AGTR1: variants seen among roughly 807,000 people sequenced by gnomAD.
AGTR1 encodes the protein type-1 angiotensin II receptor.
Under a neutral mutation model 19.4 loss-of-function variants are expected in AGTR1, and 16 were observed. That is an observed-to-expected ratio of 0.82 (90% CI 0.56 to 1.25). AGTR1 has a LOEUF of 1.25. Ranked by LOEUF, AGTR1 falls within the 50% of genes most tolerant of loss-of-function variation. The pLI is 0.00. For synonymous variants in AGTR1, 153 were observed against 154.9 expected (o/e 0.99, Z 0.09); for missense variants, 373 against 431.9 (o/e 0.86, Z 1.21).
At chr3:148,726,339 G>A (rs747894677) in intron 2 of AGTR1, among the ~76,000 whole-genome samples, 1 of 152,080 alleles carries the variant, frequency 6.6e-6, no homozygotes, top group Non-Finnish European at 1.5e-5. Context: ...CTCCCGAGTA[G>A]ATGGGATTAC....
chr3:148,724,054 A>AT (rs1713792697), intron 2 of AGTR1, among the ~76,000 whole-genome samples: 1 of 151,514 alleles, frequency 6.6e-6, no homozygotes, highest in Admixed American at 6.6e-5. Context: ...TGGGTTTTAA[A>AT]ATATATATAT....
intron 2 of AGTR1, chr3:148,731,220 G>T (rs1384208535): frequency 2.0e-5 from 3 of 151,970 alleles, no homozygotes; most frequent in Admixed American, 2.0e-4. Flanking sequence ...AAAATAGAGG[G>T]GTGTATTAGT....
intron 2 of AGTR1, among the ~76,000 whole-genome samples, chr3:148,721,319 G>A (rs1359431249): frequency 1.3e-5 from 2 of 152,148 alleles, no homozygotes; most frequent in Non-Finnish European, 2.9e-5. Flanking sequence ...AATCATTGCA[G>A]TATTATCCCC....
intron 2 of AGTR1, among the ~76,000 whole-genome samples, chr3:148,708,699 C>G (rs1013717840): frequency 6.6e-6 from 1 of 152,180 alleles, no homozygotes; most frequent in Non-Finnish European, 1.5e-5. Flanking sequence ...GTCTATCTAA[C>G]TCTTCTTACA....
intron 2 of AGTR1, among the ~76,000 whole-genome samples, chr3:148,722,279 A>T (rs1020193223): frequency 6.6e-6 from 1 of 152,238 alleles, no homozygotes; most frequent in Admixed American, 6.5e-5. Context: ...TGACTATTTC[A>T]TATGTTCAAA....
At chr3:148,740,011 T>C (rs1161106281) in intron 2 of AGTR1, 3 of 1,210,658 alleles carry the variant, frequency 2.5e-6, no homozygotes, top group African/African-American at 1.6e-5. Context: ...CCTGATGGAC[T>C]GTTATCCAGG....
chr3:148,700,704 C>A (rs544886443), intron 1 of AGTR1, among the ~76,000 whole-genome samples: 1 of 152,152 alleles, frequency 6.6e-6, no homozygotes, highest in African/African-American at 2.4e-5. Flanking sequence ...TGTCAATAAA[C>A]AAATATGGAG....
Position 148,712,965 on chromosome 3 carries a change from C to T in AGTR1, c.-48+4938C>T, listed in dbSNP as rs556307807. 2.5e-4 allele frequency among the ~76,000 whole-genome samples: 38 copies of T among 152,082 alleles called. 2 individuals carry two copies. The South Asian group carries it at 7.5e-3, about 30-fold the overall frequency. ...GGCAACTGAGGTAGTAGGAGGCGCC[C>T]CCTGGACTTCTGCTGGAATTTAGAT... On this transcript the variant is annotated intron_variant, in intron 2 of 2. Transcript: ENST00000349243.
intron 2 of AGTR1, among the ~76,000 whole-genome samples, chr3:148,711,123 A>G (rs943784556): frequency 1.3e-5 from 2 of 152,156 alleles, no homozygotes; most frequent in Non-Finnish European, 2.9e-5. Context: ...ACAGTCACGG[A>G]TAACAGTAGT....
intron 1 of AGTR1, among the ~76,000 whole-genome samples, chr3:148,699,843 C>T (rs775777137): frequency 1.3e-5 from 2 of 152,144 alleles, no homozygotes; most frequent in African/African-American, 4.8e-5. Context: ...TCTTTGTTCC[C>T]ATCCTGAGGC....
At chr3:148,737,964 TG>T (rs1714662346) in intron 2 of AGTR1, among the ~76,000 whole-genome samples, 1 of 152,156 alleles carries the variant, frequency 6.6e-6, no homozygotes, top group South Asian at 2.1e-4. Context: ...AAAAAAAGGC[TG>T]ATAGCTTGTG....
intron 2 of AGTR1, among the ~76,000 whole-genome samples, chr3:148,733,772 G>A (rs377481542): frequency 6.6e-6 from 1 of 152,190 alleles, no homozygotes; most frequent in African/African-American, 2.4e-5. Flanking sequence ...GAAGAATTTA[G>A]AAGTGTAAGA....
chr3:148,712,504 CA>C (rs1232998429), intron 2 of AGTR1, among the ~76,000 whole-genome samples: 2 of 152,138 alleles, frequency 1.3e-5, no homozygotes, highest in Admixed American at 6.6e-5. Flanking sequence ...TGAAACCAGT[CA>C]GGGGGTAAGA....
At chr3:148,723,994 C>T (rs1713790149) in intron 2 of AGTR1, among the ~76,000 whole-genome samples, 1 of 152,060 alleles carries the variant, frequency 6.6e-6, no homozygotes, top group Non-Finnish European at 1.5e-5. Context: ...AAATTGGCAG[C>T]CTTTTTAACT....
Position 148,740,985 on chromosome 3 carries a change from C to T in AGTR1, c.-47-4C>T, listed in dbSNP as rs767892603. On this transcript the variant is annotated splice_region_variant and splice_polypyrimidine_tract_variant and intron_variant, in intron 2 of 2. Transcript: ENST00000349243. ...CTTTACCATTTTATTTTTATTTTCC[C>T]CAGGTGTATTTGATATAGTGTTTGC... 1.2e-6 allele frequency: 2 copies of T among 1,605,394 alleles called. No individual in the cohort carries two copies. The highest frequency in any genetic ancestry group is 2.2e-5 in the South Asian group (2 of 89,172).
At chr3:148,701,430 G>A (rs2107923221) in intron 1 of AGTR1, among the ~76,000 whole-genome samples, 1 of 152,230 alleles carries the variant, frequency 6.6e-6, no homozygotes, top group South Asian at 2.1e-4. Context: ...AATCAAAATT[G>A]TCTTCCAAAA....
In AGTR1 at chr3:148,741,414, T is replaced by C. The variant is rs1450133165; in HGVS notation, c.379T>C (p.Tyr127His). 2 of 1,605,130 alleles carry C rather than the reference T, an allele frequency of 1.2e-6. No homozygotes were observed. Among genetic ancestry groups the C allele is most frequent in the Non-Finnish European group, 1.7e-6 (2 of 1,179,000 alleles). ...ACTCACGTGTCTCAGCATTGATCGA[T>C]ACCTGGCTATTGTTCACCCAATGAA... ...FLLTCLSIDR[Y>H]LAIVHPMKSR... is the part of the protein sequence containing the mutation. The change falls in exon 3 of 3, where the codon TAC (tyrosine) becomes CAC (histidine). Residue 127 changes from tyrosine to histidine, a missense_variant. By Grantham distance (83) the Tyr-to-His change is moderately conservative. Coordinates refer to ENST00000349243, the MANE Select transcript of AGTR1 (RefSeq NM_000685.5).
chr3:148,703,785 TAA>T (rs1712491509), intron 1 of AGTR1, among the ~76,000 whole-genome samples: 1 of 151,864 alleles, frequency 6.6e-6, no homozygotes, highest in Non-Finnish European at 1.5e-5. Context: ...AAAATTTATT[TAA>T]AGTTTTAATT....
intron 1 of AGTR1, 60 bp from the exon 2 acceptor site, chr3:148,707,884 T>C (rs1365396741): frequency 3.3e-5 from 5 of 152,182 alleles, no homozygotes; most frequent in Admixed American, 1.3e-4. Context: ...ACTCTGTAAA[T>C]TAAAAAATAA....
Sources: allele counts gnomAD v4.1 joint callset (sites outside exome capture counted in the v4.1 genomes callset), GRCh38; gene constraint gnomAD v4.1.1; transcripts MANE v1.5; gene names NCBI Gene and HGNC (gene_info 2026-07-23, HGNC 2026-07-21).